The following SVOP variants were observed in gnomAD, a reference collection of about 807,000 sequenced individuals.
SVOP encodes SV2 related protein.
Under a neutral mutation model 69.1 loss-of-function variants are expected in SVOP, and 17 were observed. The ratio of observed to expected loss-of-function variants is 0.25; its 90% CI spans 0.17 to 0.37. The LOEUF is 0.37. SVOP is among the 10% of genes least tolerant of loss of function. The pLI is 1.00. For synonymous variants in SVOP, 238 were observed against 238.6 expected, an observed-to-expected ratio of 1.00 and a Z score of 0.02; for missense variants, 435 against 597.5, an observed-to-expected ratio of 0.73 and a Z score of 2.84.
intron 4 of SVOP, among the ~76,000 whole-genome samples, chr12:108,972,830 T>C (rs988226310): frequency 9.2e-5 from 14 of 152,342 alleles, no homozygotes; most frequent in African/African-American, 2.9e-4. Flanking sequence ...AAGAAACACT[T>C]GCCCTGCTGC....
At chr12:108,981,950 C>G (rs1438903872) in intron 2 of SVOP, among the ~76,000 whole-genome samples, 1 of 151,658 alleles carries the variant, frequency 6.6e-6, no homozygotes, top group Admixed American at 6.6e-5. Context: ...ATCACCACCA[C>G]CGCCATCATC....
intron 5 of SVOP, among the ~76,000 whole-genome samples, chr12:108,969,941 C>G (rs896337407): frequency 3.9e-5 from 6 of 152,294 alleles, no homozygotes; most frequent in Middle Eastern, 3.4e-3. Flanking sequence ...CCAGAGAGGC[C>G]TTTCCAACTG....
chr12:108,981,010 A>T (rs1699586480), intron 2 of SVOP, among the ~76,000 whole-genome samples: 1 of 152,176 alleles, frequency 6.6e-6, no homozygotes, highest in Non-Finnish European at 1.5e-5. Context: ...GGGAGGTGTC[A>T]TCTTTTTGGA....
intron 11 of SVOP, among the ~76,000 whole-genome samples, chr12:108,930,026 A>T (rs1261781881): frequency 6.6e-6 from 1 of 152,120 alleles, no homozygotes; most frequent in African/African-American, 2.4e-5. Context: ...GGGTTGGCAA[A>T]CTCTGACCAA....
At chr12:108,965,249 T>C (rs920077493) in intron 5 of SVOP, among the ~76,000 whole-genome samples, 2 of 152,172 alleles carry the variant, frequency 1.3e-5, no homozygotes, top group African/African-American at 4.8e-5. Context: ...CTTTACAAAT[T>C]AGCATAGCAA....
Position 108,938,942 on chromosome 12 carries a change from C to G in SVOP, c.782G>C (p.Ser261Thr). 1 of 1,614,016 alleles carries G rather than the reference C, an allele frequency of 6.2e-7. No homozygotes were observed. The highest frequency in any genetic ancestry group is 1.1e-5 in the South Asian group (1 of 91,084). The stretch of plus-strand genomic sequence containing the variant: ...CCCTGACAGCACATCATACCTTGCA[C>G]TTTCAGGCAGCCACTGGGATGGGGG... ...FAVLCFWLPE[S>T]ARYDVLSGNQ... is the part of the protein sequence containing the mutation. The change falls in exon 9 of 16, where the codon AGT (serine) becomes ACT (threonine). Residue 261 changes from serine to threonine, a missense_variant. Physicochemically the swap from Ser to Thr is moderately conservative, Grantham distance 58. Transcript: ENST00000610966.
intron 9 of SVOP, among the ~76,000 whole-genome samples, chr12:108,937,552 G>A (rs77886675): frequency 1.8e-4 from 28 of 152,186 alleles, no homozygotes; most frequent in Admixed American, 1.7e-3. Flanking sequence ...GATCCCCACA[G>A]GATGGATCTC....
chr12:108,922,745 GTAC>G lies in SVOP; in HGVS notation c.1098_1100del (p.Glu366_Tyr367delinsAsp). The G allele has an allele frequency of 6.2e-7, 1 of 1,611,754 alleles. No individual in the cohort carries two copies. Among genetic ancestry groups the G allele is most frequent in the South Asian group, 1.1e-5 (1 of 90,164 alleles). On this transcript the variant is annotated inframe_deletion, in exon 12 of 16. Coordinates refer to ENST00000610966, the MANE Select transcript of SVOP (RefSeq NM_018711.5). Reference sequence around the variant, plus strand: ...AGTCCATGTAATCCTCCTCACTCAGGTACTCGCAGGCCAGGCTGCATTTTGCCT... The same window carrying G: ...AGTCCATGTAATCCTCCTCACTCAGGTCGCAGGCCAGGCTGCATTTTGCCT...
intron 5 of SVOP, among the ~76,000 whole-genome samples, chr12:108,968,439 C>T (rs568721178): frequency 3.8e-4 from 58 of 152,276 alleles, no homozygotes; most frequent in Admixed American, 1.2e-3. Context: ...AGAACAGACA[C>T]AGAGACAAAA....
At chr12:108,972,274 C>T in intron 5 of SVOP, 131 bp downstream of exon 5, 1 of 832,470 alleles carries the variant, frequency 1.2e-6, no homozygotes, top group Non-Finnish European at 1.9e-6. Context: ...ACAGCAATGT[C>T]TTCTCACTGT....
At chr12:108,921,258 G>A (rs1471170752) in intron 12 of SVOP, among the ~76,000 whole-genome samples, 1 of 152,088 alleles carries the variant, frequency 6.6e-6, no homozygotes, top group Non-Finnish European at 1.5e-5. Context: ...AAGGGTTTTA[G>A]AGGAAAGATA....
At chr12:108,974,618 C>T (rs1020413522) in intron 4 of SVOP, among the ~76,000 whole-genome samples, 1 of 151,912 alleles carries the variant, frequency 6.6e-6, no homozygotes, top group African/African-American at 2.4e-5. Flanking sequence ...TTGGTCCCAG[C>T]TGCTCAGGAG....
At chr12:109,019,882 T>C (rs771542880) in intron 1 of SVOP, among the ~76,000 whole-genome samples, 1 of 151,994 alleles carries the variant, frequency 6.6e-6, no homozygotes, top group Non-Finnish European at 1.5e-5. Flanking sequence ...TAGAAAAAAA[T>C]AATCCACCAT....
At chr12:108,932,222 G>T (rs1236676204) in intron 11 of SVOP, among the ~76,000 whole-genome samples, 2 of 151,950 alleles carry the variant, frequency 1.3e-5, no homozygotes, top group Non-Finnish European at 2.9e-5. Context: ...TTGCCATGTT[G>T]TCCAGGCTGT....
intron 2 of SVOP, among the ~76,000 whole-genome samples, chr12:108,982,962 A>G (rs1330901848): frequency 6.6e-6 from 1 of 151,046 alleles, no homozygotes; most frequent in East Asian, 2.0e-4. Flanking sequence ...GATCACCATC[A>G]TCATCATCAT....
At chr12:108,949,416 T>A (rs190080978) in intron 6 of SVOP, among the ~76,000 whole-genome samples, 22 of 152,000 alleles carry the variant, frequency 1.4e-4, no homozygotes, top group African/African-American at 5.3e-4. Context: ...TACAGGTGCA[T>A]GCCACAATGC....
At chr12:108,962,647 A>G (rs1218302307) in intron 5 of SVOP, among the ~76,000 whole-genome samples, 3 of 152,156 alleles carry the variant, frequency 2.0e-5, no homozygotes, top group Non-Finnish European at 4.4e-5. Flanking sequence ...TAGGGTCAAG[A>G]ACCACAGAGG....
At chr12:109,008,888 A>C (rs1162447971) in intron 1 of SVOP, among the ~76,000 whole-genome samples, 1 of 151,646 alleles carries the variant, frequency 6.6e-6, no homozygotes, top group African/African-American at 2.4e-5. Flanking sequence ...TTCTGATTGG[A>C]GAACAAAAAG....
In SVOP at chr12:108,978,472, G is replaced by C. The variant is rs1382003413; in HGVS notation, c.282+106C>G. On this transcript the variant is annotated intron_variant, in intron 3 of 15. Coordinates refer to ENST00000610966, the MANE Select transcript of SVOP (RefSeq NM_018711.5). Reference sequence around the variant, plus strand: ...TTTGTTGATTGAAATTCAAGCAAAGGCTCCATGTGCAAAGAACTGTGTCCT... The same window carrying C: ...TTTGTTGATTGAAATTCAAGCAAAGCCTCCATGTGCAAAGAACTGTGTCCT... 4 of 589,660 alleles carry C rather than the reference G, an allele frequency of 6.8e-6. No homozygotes were observed. The East Asian group carries it at 1.2e-4, about 18-fold the overall frequency. The allele number at this position is 589,660 out of a possible 1,614,324, so 36.5% of individuals were successfully genotyped here.
Sources: gnomAD v4.1 joint callset for allele counts (sites outside exome capture counted in the v4.1 genomes callset) on GRCh38, gnomAD v4.1.1 for gene constraint, MANE v1.5 for transcripts, NCBI Gene and HGNC (gene_info 2026-07-23, HGNC 2026-07-21) for gene names.